MID1: variants seen among roughly 807,000 people sequenced by gnomAD.
MID1 encodes E3 ubiquitin-protein ligase Midline-1.
Under a neutral mutation model 40.4 loss-of-function variants are expected in MID1, and 7 were observed. The observed-to-expected ratio is 0.17, with a 90% CI of 0.10 to 0.33. MID1 has a LOEUF of 0.33. Among genes scored for constraint, MID1 ranks in the 10% least tolerant of loss-of-function variants. The pLI is 1.00. For missense variants in MID1, 367 were observed against 558.5 expected, an observed-to-expected ratio of 0.66 and a Z score of 3.46; for synonymous variants, 229 against 221.2, an observed-to-expected ratio of 1.04 and a Z score of -0.31.
At chrX:10,609,935 G>A (rs1045857562) in intron 1 of MID1, among the ~76,000 whole-genome samples, 3 of 110,864 alleles carry the variant, frequency 2.7e-5, no homozygotes, top group South Asian at 3.8e-4. Flanking sequence ...AGCCAGGATG[G>A]TCTCGTTCTC....
At chrX:10,474,864 CAT>C (rs765436730) in intron 5 of MID1, 114 bp from the exon 6 acceptor site, 260 of 760,101 alleles carry the variant, frequency 3.4e-4, no homozygotes, top group African/African-American at 1.2e-3. Flanking sequence ...CTTTTTTACA[CAT>C]GAGTTTTAAG....
chrX:10,751,212 C>T (rs184885935), intron 1 of MID1, among the ~76,000 whole-genome samples: 1 of 109,654 alleles, frequency 9.1e-6, no homozygotes, highest in Admixed American at 9.7e-5. Context: ...TTGCAGTGAG[C>T]CGAGATTGCA....
rs200124370 is a variant in MID1, at chrX:10,459,675, C to T, written c.1418G>A (p.Ser473Asn). 1 of 1,210,205 alleles carries T rather than the reference C, an allele frequency of 8.3e-7. No homozygotes were observed. The highest frequency in any genetic ancestry group is 3.0e-5 in the East Asian group (1 of 33,753). The stretch of plus-strand genomic sequence containing the variant: ...TGTCTTCAACTTCCCAGGCTCACTG[C>T]TGCGGCTGCCCGCCTGGTTGATGGC... ...VKAINQAGSR[S>N]SEPGKLKTNS... The change falls in exon 8 of 10, where the codon AGC (serine) becomes AAC (asparagine). Residue 473 changes from serine to asparagine, a missense_variant. Transcript: ENST00000317552.
intron 1 of MID1, among the ~76,000 whole-genome samples, chrX:10,735,453 C>G (rs192143258): frequency 0.039 from 4,387 of 111,466 alleles, 229 homozygotes; most frequent in African/African-American, 0.14. Context: ...TTTAACCCAA[C>G]GTAGTTTCTC....
Position 10,601,862 on chromosome X carries a change from C to T in MID1, c.-57+18428G>A, listed in dbSNP as rs369413734. ...GGAATATTCTGCTTGTTCCCTTTGGCGAAATGGAATTGGAGTTTTTGTTTT... is the reference window on the plus strand; with the variant it reads ...GGAATATTCTGCTTGTTCCCTTTGGTGAAATGGAATTGGAGTTTTTGTTTT... On this transcript the variant is annotated intron_variant, in intron 1 of 9. Transcript: ENST00000317552. Among the ~76,000 whole-genome samples the T allele has an allele frequency of 3.3e-3, 355 of 109,148 alleles. 4 individuals carry two copies. The highest frequency in any genetic ancestry group is 0.011 in the African/African-American group (341 of 29,826). 94.8% of individuals were successfully genotyped at this position (109,148 alleles called of 115,157 possible).
At chrX:10,547,572 C>CAAA (rs1171938473) in intron 2 of MID1, among the ~76,000 whole-genome samples, 6 of 14,559 alleles carry the variant, frequency 4.1e-4, no homozygotes, top group African/African-American at 1.2e-3. Context: ...GACTCTGTCT[C>CAAA]AAAAAAAAAA....
Position 10,732,735 on chromosome X carries a change from C to G in MID1, c.-187+100819G>C, listed in dbSNP as rs138340396. On this transcript the variant is annotated intron_variant, in intron 1 of 10. Transcript: ENST00000380785. ...CCATCCTACTCTATTTAAAAACTAA[C>G]TATAACATGACAGTAGCTGACATCA... Among the ~76,000 whole-genome samples, 1,003 of 112,101 alleles carry G rather than the reference C, an allele frequency of 8.9e-3. 10 individuals are homozygous for G. Among genetic ancestry groups the G allele is most frequent in the African/African-American group, 0.031 (956 of 30,938 alleles).
At chrX:10,717,081 T>A (rs1349547829) in intron 1 of MID1, among the ~76,000 whole-genome samples, 1 of 111,857 alleles carries the variant, frequency 8.9e-6, no homozygotes, top group African/African-American at 3.3e-5. Context: ...TACCAGCCAC[T>A]GCAAAAACAT....
intron 1 of MID1, among the ~76,000 whole-genome samples, chrX:10,708,898 G>GA (rs1382557656): frequency 8.9e-6 from 1 of 112,169 alleles, no homozygotes; most frequent in East Asian, 2.8e-4. Flanking sequence ...AATATCTAGT[G>GA]AATTTTCCCT....
intron 1 of MID1, among the ~76,000 whole-genome samples, chrX:10,644,159 A>G (rs1191972858): frequency 1.8e-5 from 2 of 111,999 alleles, no homozygotes; most frequent in African/African-American, 6.5e-5. Flanking sequence ...TATAATAAAA[A>G]TAATAAAAAA....
At chrX:10,702,658 C>A (rs1314532921) in intron 1 of MID1, among the ~76,000 whole-genome samples, 1 of 112,368 alleles carries the variant, frequency 8.9e-6, no homozygotes, top group African/African-American at 3.2e-5. Context: ...CATTTAACCA[C>A]CAGGAAAGTT....
At chrX:10,646,495 G>A (rs1221089641) in intron 1 of MID1, among the ~76,000 whole-genome samples, 1 of 111,340 alleles carries the variant, frequency 9.0e-6, no homozygotes, top group Non-Finnish European at 1.9e-5. Flanking sequence ...CCCCAAAACT[G>A]TTCTTCTCTC....
chrX:10,775,715 T>G (rs779215513), intron 1 of MID1, among the ~76,000 whole-genome samples: 4 of 111,747 alleles, frequency 3.6e-5, no homozygotes, highest in Non-Finnish European at 7.5e-5. Context: ...GCCTTGGCCT[T>G]CCTGAAGATC....
chrX:10,725,203 C>T (rs2043381512), intron 1 of MID1, among the ~76,000 whole-genome samples: 2 of 111,649 alleles, frequency 1.8e-5, no homozygotes, highest in African/African-American at 6.5e-5. Flanking sequence ...CAACTGTGTT[C>T]ACTTCAGAGC....
chrX:10,479,268 G>T (rs1930186473), intron 5 of MID1, among the ~76,000 whole-genome samples: 1 of 111,755 alleles, frequency 8.9e-6, no homozygotes, highest in Admixed American at 9.5e-5. Context: ...TTTGATACAG[G>T]CATGCAATGT....
At chrX:10,721,798 G>A (rs2043357325) in intron 1 of MID1, among the ~76,000 whole-genome samples, 1 of 111,084 alleles carries the variant, frequency 9.0e-6, no homozygotes, top group South Asian at 3.8e-4. Flanking sequence ...GCCAAGCATG[G>A]TGGCTTGTGC....
At chrX:10,534,357 C>A (rs984575819) in intron 2 of MID1, among the ~76,000 whole-genome samples, 5 of 112,023 alleles carry the variant, frequency 4.5e-5, no homozygotes, top group Admixed American at 9.5e-5. Context: ...GATGAAAATA[C>A]ATTTTTGTTT....
At chrX:10,634,301 C>T (rs1324634966) in intron 1 of MID1, among the ~76,000 whole-genome samples, 1 of 111,262 alleles carries the variant, frequency 9.0e-6, no homozygotes, top group Non-Finnish European at 1.9e-5. Flanking sequence ...AATAAAAGTC[C>T]CATATGTAAG....
chrX:10,613,249 T>C (rs1935765871), intron 1 of MID1, among the ~76,000 whole-genome samples: 1 of 111,684 alleles, frequency 9.0e-6, no homozygotes, highest in African/African-American at 3.3e-5. Flanking sequence ...TTTGGTAATA[T>C]ATTAGTCCTG....
Sources: gnomAD v4.1 joint callset for allele counts (sites outside exome capture counted in the v4.1 genomes callset) on GRCh38, gnomAD v4.1.1 for gene constraint, MANE v1.5 for transcripts, NCBI Gene and HGNC (gene_info 2026-07-23, HGNC 2026-07-21) for gene names.